The following KCNQ5 variants were observed in gnomAD, a reference collection of about 807,000 sequenced individuals.
KCNQ5 encodes potassium voltage-gated channel subfamily Q member 5.
Under a neutral mutation model 98.2 loss-of-function variants are expected in KCNQ5, and 30 were observed. The observed-to-expected ratio is 0.31, with a 90% confidence interval of 0.23 to 0.41. The LOEUF is 0.41. KCNQ5 is among the 10% of genes least tolerant of loss of function. The pLI, the probability that KCNQ5 is intolerant of heterozygous loss-of-function variation, is 1.00. For synonymous variants in KCNQ5, 458 were observed against 449.4 expected, an observed-to-expected ratio of 1.02 and a Z score of -0.24; for missense variants, 835 against 1,182.5, an observed-to-expected ratio of 0.71 and a Z score of 4.31.
At chr6:72,724,599 T>C (rs924910772) in intron 1 of KCNQ5, among the ~76,000 whole-genome samples, 1 of 152,168 alleles carries the variant, frequency 6.6e-6, no homozygotes, top group Non-Finnish European at 1.5e-5. Flanking sequence ...ACACACCACA[T>C]GTGAATTTAA....
chr6:73,111,244 A>T, intron 6 of KCNQ5, 64 bp from the exon 7 acceptor site: 1 of 1,107,866 alleles, frequency 9.0e-7, no homozygotes, highest in Non-Finnish European at 1.4e-6. Flanking sequence ...GTGACTTTTT[A>T]ATATTTGTAT....
At chr6:72,830,333 A>G (rs948641794) in intron 1 of KCNQ5, among the ~76,000 whole-genome samples, 4 of 152,210 alleles carry the variant, frequency 2.6e-5, no homozygotes, top group African/African-American at 9.7e-5. Flanking sequence ...ACTTCAAACT[A>G]TACTACAAGG....
intron 2 of KCNQ5, among the ~76,000 whole-genome samples, chr6:73,040,346 A>G (rs1771634126): frequency 6.6e-6 from 1 of 152,200 alleles, no homozygotes; most frequent in South Asian, 2.1e-4. Context: ...AGGGGCAGGG[A>G]TTAAAAAGTG....
rs57873383 is a variant in KCNQ5 at position 73,056,464 on chromosome 6, G to A, written c.616+14402G>A. Among the ~76,000 whole-genome samples the A allele has an allele frequency of 9.0e-3, 1,365 of 152,088 alleles. 9 individuals are homozygous for A. The highest frequency in any genetic ancestry group is 0.05 in the East Asian group (257 of 5,186). On this transcript the variant is annotated intron_variant, in intron 3 of 13. Transcript: ENST00000370398. ...ACAATAACCCTTCTAAGGGTTTCTC[G>A]TGGTGGTTGAAATAGTCCCACATGT...
At chr6:72,738,044 A>T (rs1770940345) in intron 1 of KCNQ5, among the ~76,000 whole-genome samples, 1 of 151,416 alleles carries the variant, frequency 6.6e-6, no homozygotes, top group Non-Finnish European at 1.5e-5. Context: ...AGTTCCAACT[A>T]CTCAGGAGGC....
At chr6:73,030,822 A>G (rs1439779952) in intron 2 of KCNQ5, among the ~76,000 whole-genome samples, 2 of 152,198 alleles carry the variant, frequency 1.3e-5, no homozygotes, top group Non-Finnish European at 2.9e-5. Context: ...TCTGAAAGCC[A>G]TGATCCCAAA....
At chr6:73,193,555 T>C (rs1313305297) in intron 13 of KCNQ5, among the ~76,000 whole-genome samples, 1 of 150,518 alleles carries the variant, frequency 6.6e-6, no homozygotes, top group East Asian at 1.9e-4. Flanking sequence ...TGATGACACA[T>C]TGAATGTTTG....
intron 5 of KCNQ5, among the ~76,000 whole-genome samples, chr6:73,092,109 CGTTTT>C (rs1379730669): frequency 3.4e-5 from 5 of 145,254 alleles, no homozygotes; most frequent in Non-Finnish European, 7.6e-5. Context: ...TTTTTTGTTT[CGTTTT>C]GTTTTGTTTT....
chr6:72,736,084 TACAC>T (rs59201837), intron 1 of KCNQ5, among the ~76,000 whole-genome samples: 141 of 148,602 alleles, frequency 9.5e-4, no homozygotes, highest in Middle Eastern at 3.4e-3. Context: ...TGTGTACACA[TACAC>T]ACACACACAC....
chr6:72,704,947 TAGCTTAGCCC>T (rs1440078032), intron 1 of KCNQ5, among the ~76,000 whole-genome samples: 1 of 152,232 alleles, frequency 6.6e-6, no homozygotes, highest in African/African-American at 2.4e-5. Context: ...GACTACACAA[TAGCTTAGCCC>T]ACCTTTCAAA....
chr6:72,866,081 G>A (rs1777965969), intron 1 of KCNQ5, among the ~76,000 whole-genome samples: 1 of 152,002 alleles, frequency 6.6e-6, no homozygotes, highest in South Asian at 2.1e-4. Context: ...GGAATACTAA[G>A]ACTTAAGTAA....
intron 1 of KCNQ5, among the ~76,000 whole-genome samples, chr6:72,852,859 C>T (rs1777340189): frequency 6.6e-6 from 1 of 151,316 alleles, no homozygotes. Flanking sequence ...ATTGTATTGC[C>T]TATGTTCTTG....
At chr6:72,717,259 A>T (rs1340500714) in intron 1 of KCNQ5, among the ~76,000 whole-genome samples, 1 of 152,238 alleles carries the variant, frequency 6.6e-6, no homozygotes, top group Non-Finnish European at 1.5e-5. Context: ...TGAGCCAATC[A>T]ACAGTAAGTT....
rs577911522 is a variant in KCNQ5 at position 72,747,758 on chromosome 6, C to A, written c.398+125171C>A. Among the ~76,000 whole-genome samples, 10 of 152,286 alleles carry A rather than the reference C, an allele frequency of 6.6e-5. 1 individual carries two copies. Among genetic ancestry groups the A allele is most frequent in the African/African-American group, 2.4e-4 (10 of 41,578 alleles). On this transcript the variant is annotated intron_variant, in intron 1 of 13. Coordinates refer to ENST00000370398, the MANE Select transcript of KCNQ5 (RefSeq NM_019842.4). Reference sequence around the variant, plus strand: ...ATCATATCTTAAAATAATTCTTATACTGTATTTTTATAATGCTTAAAAAAT... The same window carrying A: ...ATCATATCTTAAAATAATTCTTATAATGTATTTTTATAATGCTTAAAAAAT...
intron 1 of KCNQ5, among the ~76,000 whole-genome samples, chr6:72,853,258 A>G (rs536756826): frequency 2.0e-5 from 3 of 152,322 alleles, no homozygotes; most frequent in East Asian, 3.9e-4. Context: ...TTCTGTAAAA[A>G]GTGCTTTGAG....
At chr6:73,123,096 C>G (rs1775810823) in intron 8 of KCNQ5, among the ~76,000 whole-genome samples, 1 of 149,554 alleles carries the variant, frequency 6.7e-6, no homozygotes, top group Admixed American at 6.7e-5. Flanking sequence ...AGGCATAGTT[C>G]TAGGCACTGA....
At chr6:72,828,376 T>A (rs1776094935) in intron 1 of KCNQ5, among the ~76,000 whole-genome samples, 1 of 152,128 alleles carries the variant, frequency 6.6e-6, no homozygotes, top group African/African-American at 2.4e-5. Flanking sequence ...GATCTTTCCA[T>A]TTGTTTGTAT....
At chr6:72,682,903 G>A (rs944846563) in intron 1 of KCNQ5, among the ~76,000 whole-genome samples, 5 of 152,112 alleles carry the variant, frequency 3.3e-5, no homozygotes, top group African/African-American at 7.2e-5. Context: ...TCCTCCAGGA[G>A]CCTCTTTACG....
chr6:72,750,384 A>C (rs944379141), intron 1 of KCNQ5, among the ~76,000 whole-genome samples: 1 of 152,084 alleles, frequency 6.6e-6, no homozygotes, highest in Non-Finnish European at 1.5e-5. Context: ...ACCCTGTTTT[A>C]ATAGGTTTGG....
Sources: gnomAD v4.1 joint callset for allele counts (sites outside exome capture counted in the v4.1 genomes callset) on GRCh38, gnomAD v4.1.1 for gene constraint, MANE v1.5 for transcripts, NCBI Gene and HGNC (gene_info 2026-07-23, HGNC 2026-07-21) for gene names.